TLL2: variants seen among roughly 807,000 people sequenced by gnomAD.
The protein encoded by TLL2 is tolloid-like protein 2.
Under a neutral mutation model 123.0 loss-of-function variants are expected in TLL2, and 106 were observed. That is an observed-to-expected ratio of 0.86 (90% CI 0.74 to 1.01). TLL2 has a LOEUF of 1.01. Among genes scored for constraint, TLL2 ranks in the 50% least tolerant of loss-of-function variants. The probability of loss-of-function intolerance (pLI) is 0.00; values close to 1 mark genes in which losing one functional copy is unlikely to be tolerated. For synonymous variants in TLL2, 494 were observed against 516.8 expected (o/e 0.96, Z 0.60); for missense variants, 1,332 against 1,336.7 (o/e 1.00, Z 0.06).
intron 2 of TLL2, among the ~76,000 whole-genome samples, chr10:96,451,546 ATTCCT>A (rs1846959724): frequency 6.6e-6 from 1 of 152,228 alleles, no homozygotes; most frequent in African/African-American, 2.4e-5. Context: ...TATATTAATT[ATTCCT>A]TTCATCTCTT....
intron 19 of TLL2, among the ~76,000 whole-genome samples, chr10:96,372,315 G>A (rs1366443991): frequency 6.6e-6 from 1 of 152,168 alleles, no homozygotes; most frequent in Non-Finnish European, 1.5e-5. Context: ...ACTGGAGGTA[G>A]AGGCTGTTAA....
Position 96,479,799 on chromosome 10 carries a change from T to C in TLL2, c.286+550A>G, listed in dbSNP as rs551637371. Reference sequence around the variant, plus strand: ...CAAAGGGCTGCCCTCCAGTGACTTGTACCTTACCTCTGTTCCTCAAATAAG... The same window carrying C: ...CAAAGGGCTGCCCTCCAGTGACTTGCACCTTACCTCTGTTCCTCAAATAAG... On this transcript the variant is annotated intron_variant, in intron 2 of 20. Coordinates refer to ENST00000357947, the MANE Select transcript of TLL2 (RefSeq NM_012465.4). 2.6e-5 allele frequency among the ~76,000 whole-genome samples: 4 copies of C among 152,326 alleles called. No individual in the cohort carries two copies. The East Asian group carries it at 5.8e-4, about 22-fold the overall frequency.
intron 6 of TLL2, among the ~76,000 whole-genome samples, chr10:96,421,268 A>T (rs1160804323): frequency 6.6e-6 from 1 of 152,024 alleles, no homozygotes; most frequent in Non-Finnish European, 1.5e-5. Context: ...CAACCCCACC[A>T]CCCAAGACCT....
At position 96,476,693 on chromosome 10, in the gene TLL2, T is replaced by A. The variant is rs1847256408; in HGVS notation, c.286+3656A>T. On this transcript the variant is annotated intron_variant, in intron 2 of 20. Coordinates refer to ENST00000357947, the MANE Select transcript of TLL2 (RefSeq NM_012465.4). ...AATCTTCACATTTATCTATAATGGC[T>A]TAGTTAGGTAAATCATGGCAGAGTT... 2.6e-5 allele frequency among the ~76,000 whole-genome samples: 4 copies of A among 152,016 alleles called. No homozygotes were observed. The South Asian group carries it at 8.3e-4, about 32-fold the overall frequency.
chr10:96,478,541 T>C (rs10736111), intron 2 of TLL2, among the ~76,000 whole-genome samples: 120,086 of 152,162 alleles, frequency 0.79, 47,509 homozygotes, highest in East Asian at 0.91. Flanking sequence ...CAAGAATGAC[T>C]GCAGCAGCTT....
At chr10:96,376,378 T>C (rs1265615147) in intron 18 of TLL2, among the ~76,000 whole-genome samples, 1 of 152,226 alleles carries the variant, frequency 6.6e-6, no homozygotes, top group African/African-American at 2.4e-5. Flanking sequence ...TATTGTCTTG[T>C]AAAAAATTAA....
At chr10:96,424,933 T>G (rs1564904712) in intron 5 of TLL2, among the ~76,000 whole-genome samples, 1 of 151,948 alleles carries the variant, frequency 6.6e-6, no homozygotes, top group Non-Finnish European at 1.5e-5. Context: ...TTTCTTCCAT[T>G]TTTTTCTTTA....
intron 13 of TLL2, among the ~76,000 whole-genome samples, chr10:96,390,298 C>T (rs917358087): frequency 1.3e-5 from 2 of 152,226 alleles, no homozygotes; most frequent in African/African-American, 2.4e-5. Flanking sequence ...AGTCCCCCTA[C>T]CAAGCCCTTC....
intron 14 of TLL2, 21 bp from the exon 15 acceptor site, chr10:96,386,236 C>T: frequency 6.5e-7 from 1 of 1,540,016 alleles, no homozygotes; most frequent in Non-Finnish European, 8.8e-7. Flanking sequence ...GAAACAGAAA[C>T]AGGATTCATT....
At chr10:96,511,639 C>A (rs1847632408) in intron 1 of TLL2, among the ~76,000 whole-genome samples, 1 of 152,250 alleles carries the variant, frequency 6.6e-6, no homozygotes, top group African/African-American at 2.4e-5. Flanking sequence ...GGCAAGCCTG[C>A]CTCAGGGTTA....
intron 3 of TLL2, among the ~76,000 whole-genome samples, chr10:96,440,322 T>C (rs1846839109): frequency 6.6e-6 from 1 of 152,230 alleles, no homozygotes. Context: ...TATTTTTATA[T>C]TTTGAATGTA....
chr10:96,441,678 T>A (rs1846851971), intron 3 of TLL2, among the ~76,000 whole-genome samples: 1 of 152,192 alleles, frequency 6.6e-6, no homozygotes, highest in Non-Finnish European at 1.5e-5. Flanking sequence ...CACTTCCTGC[T>A]GCAGGGCGGT....
At chr10:96,401,801 C>T (rs1256653977) in intron 10 of TLL2, among the ~76,000 whole-genome samples, 1 of 152,238 alleles carries the variant, frequency 6.6e-6, no homozygotes, top group Non-Finnish European at 1.5e-5. Context: ...GCTTCCTCCT[C>T]TTAAGCCTTT....
intron 1 of TLL2, among the ~76,000 whole-genome samples, chr10:96,505,038 TA>T (rs1342380213): frequency 3.6e-5 from 5 of 140,150 alleles, no homozygotes; most frequent in Admixed American, 3.5e-4. Context: ...AATAAATAAA[TA>T]AATAAATAAA....
intron 3 of TLL2, among the ~76,000 whole-genome samples, chr10:96,433,699 T>C (rs542710810): frequency 1.3e-5 from 2 of 152,346 alleles, no homozygotes; most frequent in Non-Finnish European, 2.9e-5. Flanking sequence ...TTATTCTAAC[T>C]TGGAGCATTT....
intron 10 of TLL2, among the ~76,000 whole-genome samples, chr10:96,399,387 G>T (rs965493606): frequency 6.6e-6 from 1 of 152,202 alleles, no homozygotes; most frequent in Non-Finnish European, 1.5e-5. Flanking sequence ...GGTGAGGTTA[G>T]GGGAGGAGTA....
At position 96,395,233 on chromosome 10, in the gene TLL2, G is replaced by A. The variant is rs755425017; in HGVS notation, c.1680C>T (p.Ser560=). The change falls in exon 13 of 21, where the codon TCC becomes TCT. Residue 560 remains serine, a synonymous_variant. Transcript: ENST00000357947. ...AGCCCGCTTTATTGATAGAGCCATCGGACACAAACTTCATCCACAGTCTGT... is the reference window on the plus strand; with the variant it reads ...AGCCCGCTTTATTGATAGAGCCATCAGACACAAACTTCATCCACAGTCTGT... ...SSNRLWMKFV[S]DGSINKAGFA... The A allele has an allele frequency of 1.9e-5, 31 of 1,612,582 alleles. No individual in the cohort carries two copies. Among genetic ancestry groups the A allele is most frequent in the East Asian group, 4.5e-5 (2 of 44,848 alleles).
chr10:96,413,153 G>A, intron 8 of TLL2, 39 bp downstream of exon 8: 1 of 1,610,860 alleles, frequency 6.2e-7, no homozygotes. Flanking sequence ...CTTTGGAGAT[G>A]CTAGGGAGGT....
At chr10:96,432,771 C>T in intron 4 of TLL2, 36 bp downstream of exon 4, 3 of 1,601,548 alleles carry the variant, frequency 1.9e-6, no homozygotes, top group Non-Finnish European at 2.6e-6. Flanking sequence ...GACAAAGCAC[C>T]CTGACCCAAA....
Sources: allele counts gnomAD v4.1 joint callset (sites outside exome capture counted in the v4.1 genomes callset), GRCh38; gene constraint gnomAD v4.1.1; transcripts MANE v1.5; gene names NCBI Gene and HGNC (gene_info 2026-07-23, HGNC 2026-07-21).